The following REDIC1 variants were observed in gnomAD, a reference collection of about 807,000 sequenced individuals.
The protein encoded by REDIC1 is regulator of DNA class I crossover intermediates 1, also known as HEI10 Interacting Protein 1.
the REDIC1 span, among the ~76,000 whole-genome samples, chr12:39,783,983 A>C: frequency 6.6e-6 from 1 of 152,228 alleles, no homozygotes; most frequent in African/African-American, 2.4e-5. Flanking sequence ...CAATTGCTTC[A>C]AAGAGAATAA....
the REDIC1 span, among the ~76,000 whole-genome samples, chr12:39,713,985 A>G: frequency 6.7e-6 from 1 of 148,306 alleles, no homozygotes; most frequent in Admixed American, 6.8e-5. Flanking sequence ...ATACGTATAT[A>G]TACATGTATG....
chr12:39,764,569 G>A, the REDIC1 span: 1 of 1,609,478 alleles, frequency 6.2e-7, no homozygotes, highest in South Asian at 1.1e-5. Context: ...TTGCCCAAAG[G>A]GGATATATTT....
the REDIC1 span, among the ~76,000 whole-genome samples, chr12:39,751,811 C>G: frequency 1.3e-5 from 2 of 152,032 alleles, no homozygotes; most frequent in Admixed American, 6.6e-5. Flanking sequence ...GACAAAAAAC[C>G]AAACACCGCA....
At chr12:39,653,512 C>CTTCTTCTTCTTCTTCTTCTTT in the REDIC1 span, among the ~76,000 whole-genome samples, 1 of 50,636 alleles carries the variant, frequency 2.0e-5, no homozygotes, top group African/African-American at 6.2e-5. Context: ...TCTTCTTCTT[C>CTTCTTCTTCTTCTTCTTCTTT]TTCTTCTTCT....
the REDIC1 span, among the ~76,000 whole-genome samples, chr12:39,669,126 G>A: frequency 0.016 from 2,361 of 152,220 alleles, 55 homozygotes; most frequent in African/African-American, 0.051. Flanking sequence ...TAGGAGAGAC[G>A]CTCTGATTTT....
the REDIC1 span, among the ~76,000 whole-genome samples, chr12:39,827,422 C>T: frequency 1.3e-5 from 2 of 152,164 alleles, no homozygotes; most frequent in Non-Finnish European, 2.9e-5. Context: ...TTTGTAACTA[C>T]AGAGGCAAGG....
the REDIC1 span, among the ~76,000 whole-genome samples, chr12:39,878,917 A>T: frequency 6.6e-6 from 1 of 152,206 alleles, no homozygotes; most frequent in African/African-American, 2.4e-5. Flanking sequence ...GAGGCCTAGG[A>T]GTATAGAATG....
At chr12:39,716,709 G>A in the REDIC1 span, 1 of 1,368,798 alleles carries the variant, frequency 7.3e-7, no homozygotes, top group South Asian at 1.3e-5. Flanking sequence ...GTATGTTGTA[G>A]ATTATTCATA....
At chr12:39,847,243 T>C in the REDIC1 span, among the ~76,000 whole-genome samples, 1 of 152,134 alleles carries the variant, frequency 6.6e-6, no homozygotes, top group South Asian at 2.1e-4. Flanking sequence ...ACATATCCCC[T>C]AGCTGTACTG....
chr12:39,647,934 C>T, the REDIC1 span: 1 of 1,598,052 alleles, frequency 6.3e-7, no homozygotes, highest in East Asian at 2.3e-5. Flanking sequence ...GGAATAGCAC[C>T]TACTCCTCAG....
the REDIC1 span, among the ~76,000 whole-genome samples, chr12:39,734,586 TTA>T: frequency 6.6e-6 from 1 of 152,222 alleles, no homozygotes; most frequent in African/African-American, 2.4e-5. Flanking sequence ...TTAGGATTTT[TTA>T]TGTTTGTTTT....
At chr12:39,764,460 C>T in the REDIC1 span, 1 of 1,560,578 alleles carries the variant, frequency 6.4e-7, no homozygotes, top group Non-Finnish European at 8.6e-7. Context: ...ATTATCTTAC[C>T]ATAGTATGTA....
the REDIC1 span, among the ~76,000 whole-genome samples, chr12:39,809,599 G>A: frequency 2.6e-5 from 4 of 152,200 alleles, no homozygotes; most frequent in African/African-American, 9.6e-5. Context: ...TTGGTGTGCT[G>A]CACCCATTAA....
the REDIC1 span, among the ~76,000 whole-genome samples, chr12:39,807,072 G>A: frequency 6.7e-5 from 10 of 150,226 alleles, no homozygotes; most frequent in Non-Finnish European, 1.3e-4. Flanking sequence ...TATAGTTTTT[G>A]CCACTGAAAG....
chr12:39,851,160 A>G, the REDIC1 span, among the ~76,000 whole-genome samples: 1 of 152,326 alleles, frequency 6.6e-6, no homozygotes, highest in African/African-American at 2.4e-5. Flanking sequence ...TTGGCCTCAC[A>G]AAGTGCTGAG....
the REDIC1 span, among the ~76,000 whole-genome samples, chr12:39,713,024 CGTGTATATGTATATATACAT>C: frequency 7.5e-6 from 1 of 133,518 alleles, no homozygotes; most frequent in African/African-American, 3.0e-5. Context: ...TGTGTATATA[CGTGTATATGTATATATACAT>C]GTGTATATAC....
chr12:39,663,582 G>C, the REDIC1 span, among the ~76,000 whole-genome samples: 1 of 151,924 alleles, frequency 6.6e-6, no homozygotes, highest in Non-Finnish European at 1.5e-5. Flanking sequence ...TTACATTCAA[G>C]GTTACTCTTG....
the REDIC1 span, among the ~76,000 whole-genome samples, chr12:39,899,069 C>T: frequency 6.6e-6 from 1 of 151,948 alleles, no homozygotes; most frequent in Admixed American, 6.6e-5. Flanking sequence ...CCAGTTCCTC[C>T]TTGTACCTCT....
At chr12:39,903,932 G>C in the REDIC1 span, among the ~76,000 whole-genome samples, 1 of 151,998 alleles carries the variant, frequency 6.6e-6, no homozygotes, top group Non-Finnish European at 1.5e-5. Flanking sequence ...CTCATATTTG[G>C]ACTAAAGAAC....
Sources: allele counts gnomAD v4.1 joint callset (sites outside exome capture counted in the v4.1 genomes callset), GRCh38; gene constraint gnomAD v4.1.1; transcripts MANE v1.5; gene names NCBI Gene and HGNC (gene_info 2026-07-23, HGNC 2026-07-21).